SHC3: variants seen among roughly 807,000 people sequenced by gnomAD.
The protein encoded by SHC3 is SHC-transforming protein 3.
Under a neutral mutation model 60.4 loss-of-function variants are expected in SHC3, and 15 were observed. The ratio of observed to expected loss-of-function variants is 0.25; its 90% CI spans 0.17 to 0.38. SHC3 has a LOEUF of 0.38. Ranked by LOEUF, SHC3 falls within the 10% of genes least tolerant of loss-of-function variation. The pLI is 1.00. For missense variants in SHC3, 677 were observed against 786.1 expected (o/e 0.86, Z 1.66); for synonymous variants, 294 against 325.9 (o/e 0.90, Z 1.05).
Position 89,038,004 on chromosome 9 carries a change from G to C in SHC3, c.1645C>G (p.Pro549Ala). 1 of 1,608,782 alleles carries C rather than the reference G, an allele frequency of 6.2e-7. No homozygotes were observed. The highest frequency in any genetic ancestry group is 1.1e-5 in the South Asian group (1 of 91,072). ...CACTGGGTGCTCACCGTGCCTTCTGGGTCCACGAGCAGCAGGTGCTTGGCC... is the reference window on the plus strand; with the variant it reads ...CACTGGGTGCTCACCGTGCCTTCTGCGTCCACGAGCAGCAGGTGCTTGGCC... Reference protein sequence around the residue: ...GQAKHLLLVDPEGTIRTKDRV... With the variant: ...GQAKHLLLVDAEGTIRTKDRV... The change falls in exon 11 of 12, where the codon CCA (proline) becomes GCA (alanine). Residue 549 changes from proline to alanine, a missense_variant. Pro to Ala is a conservative substitution (Grantham distance 27). Coordinates refer to ENST00000375835, the MANE Select transcript of SHC3 (RefSeq NM_016848.6).
chr9:89,097,884 A>G (rs1825728681), intron 2 of SHC3, among the ~76,000 whole-genome samples: 1 of 152,250 alleles, frequency 6.6e-6, no homozygotes, highest in Non-Finnish European at 1.5e-5. Flanking sequence ...ATGATGAGAA[A>G]ATGCTTATGA....
intron 1 of SHC3, among the ~76,000 whole-genome samples, chr9:89,145,473 T>C (rs888914081): frequency 6.6e-6 from 1 of 152,152 alleles, no homozygotes; most frequent in African/African-American, 2.4e-5. Flanking sequence ...AAATGGACCT[T>C]GAGGAATCAA....
intron 1 of SHC3, among the ~76,000 whole-genome samples, chr9:89,164,945 T>G (rs568901134): frequency 6.6e-6 from 1 of 152,304 alleles, no homozygotes; most frequent in Non-Finnish European, 1.5e-5. Flanking sequence ...AAACTTAGTA[T>G]ACACACAGTG....
At chr9:89,105,164 T>G (rs1479002931) in intron 2 of SHC3, among the ~76,000 whole-genome samples, 1 of 152,186 alleles carries the variant, frequency 6.6e-6, no homozygotes, top group Non-Finnish European at 1.5e-5. Flanking sequence ...TTGATGGTCT[T>G]GTAATGATGC....
chr9:89,038,091 G>T lies in SHC3; in HGVS notation c.1558C>A (p.Leu520Met). The T allele has an allele frequency of 1.2e-6, 2 of 1,614,088 alleles. No homozygotes were observed. The highest frequency in any genetic ancestry group is 1.7e-6 in the Non-Finnish European group (2 of 1,180,012). Residue 520 changes from leucine to methionine, a missense_variant, in exon 11 of 12, where the codon CTG (leucine) becomes ATG (methionine). Physicochemically the swap from Leu to Met is conservative, Grantham distance 15. Transcript: ENST00000375835. ...GGGTTGGTGGTGCTCTTCCTGACCA[G>T]GAAGTCTCCGTCTTTCTCCAGCAGC... ...EGLLEKDGDF[L>M]VRKSTTNPGS...
At chr9:89,040,808 T>A (rs1824676179) in intron 10 of SHC3, among the ~76,000 whole-genome samples, 1 of 152,252 alleles carries the variant, frequency 6.6e-6, no homozygotes, top group Non-Finnish European at 1.5e-5. Context: ...TTATTTTTGT[T>A]AAGTCAAAAT....
At chr9:89,028,301 C>A (rs1826354215) in intron 11 of SHC3, among the ~76,000 whole-genome samples, 1 of 151,970 alleles carries the variant, frequency 6.6e-6, no homozygotes, top group Admixed American at 6.6e-5. Context: ...AAGAGAACAA[C>A]CCCAGGAAAA....
chr9:89,071,551 G>A (rs1436099790), intron 4 of SHC3, among the ~76,000 whole-genome samples: 6 of 152,154 alleles, frequency 3.9e-5, no homozygotes, highest in African/African-American at 1.4e-4. Flanking sequence ...CAAGTGGCTT[G>A]CTCAAATTAA....
At chr9:89,094,560 G>A (rs1473630266) in intron 2 of SHC3, among the ~76,000 whole-genome samples, 1 of 152,198 alleles carries the variant, frequency 6.6e-6, no homozygotes. Context: ...CTAAGTGTCT[G>A]GCCCTTTTCT....
At chr9:89,130,499 G>A (rs1826228562) in intron 1 of SHC3, among the ~76,000 whole-genome samples, 1 of 152,096 alleles carries the variant, frequency 6.6e-6, no homozygotes, top group South Asian at 2.1e-4. Context: ...TTCCAAAATT[G>A]ACCACATAGT....
intron 1 of SHC3, among the ~76,000 whole-genome samples, chr9:89,143,706 T>C (rs17527617): frequency 0.11 from 16,177 of 152,162 alleles, 915 homozygotes; most frequent in Middle Eastern, 0.19. Flanking sequence ...TGGTCAGAGA[T>C]GGCTTTTAGG....
At chr9:89,055,165 AGAATGGTTAACAGTGGT>A (rs1378316987) in intron 6 of SHC3, among the ~76,000 whole-genome samples, 1 of 152,248 alleles carries the variant, frequency 6.6e-6, no homozygotes, top group African/African-American at 2.4e-5. Context: ...CGCTCCCTGA[AGAATGGTTAACAGTGGT>A]GAATGAGAAG....
intron 1 of SHC3, among the ~76,000 whole-genome samples, chr9:89,162,025 C>A (rs1373740479): frequency 8.3e-6 from 1 of 120,940 alleles, no homozygotes; most frequent in Admixed American, 8.7e-5. Context: ...CCTAGGAATC[C>A]AACTTACAAG....
chr9:89,055,915 T>C (rs1032936821), intron 6 of SHC3, among the ~76,000 whole-genome samples: 7 of 152,232 alleles, frequency 4.6e-5, no homozygotes, highest in African/African-American at 1.7e-4. Context: ...ATTATGTGTA[T>C]CATAAAAACA....
intron 5 of SHC3, among the ~76,000 whole-genome samples, chr9:89,068,705 A>T (rs1376008294): frequency 6.6e-6 from 1 of 152,194 alleles, no homozygotes; most frequent in African/African-American, 2.4e-5. Flanking sequence ...ATCTGAAAAA[A>T]AAAATGTATA....
intron 11 of SHC3, among the ~76,000 whole-genome samples, chr9:89,019,366 G>A (rs1435072447): frequency 6.6e-6 from 1 of 152,204 alleles, no homozygotes; most frequent in East Asian, 1.9e-4. Flanking sequence ...ACTTGACTCT[G>A]TGTGGCCTGT....
intron 2 of SHC3, among the ~76,000 whole-genome samples, chr9:89,087,263 C>A (rs1825545658): frequency 6.6e-6 from 1 of 152,220 alleles, no homozygotes; most frequent in East Asian, 1.9e-4. Flanking sequence ...TCCAAGTAGC[C>A]TAACTTATGT....
chr9:89,141,552 T>G (rs2118192130), intron 1 of SHC3, among the ~76,000 whole-genome samples: 1 of 152,332 alleles, frequency 6.6e-6, no homozygotes, highest in Non-Finnish European at 1.5e-5. Context: ...GCTTCTGGGT[T>G]CCCTTTCCCT....
chr9:89,074,742 T>C (rs1451922415), intron 4 of SHC3, among the ~76,000 whole-genome samples: 3 of 142,186 alleles, frequency 2.1e-5, no homozygotes, highest in East Asian at 4.1e-4. Context: ...TGACATGCCG[T>C]CCACTTCAAA....
Sources: allele counts gnomAD v4.1 joint callset (sites outside exome capture counted in the v4.1 genomes callset), GRCh38; gene constraint gnomAD v4.1.1; transcripts MANE v1.5; gene names NCBI Gene and HGNC (gene_info 2026-07-23, HGNC 2026-07-21).